Variants in DHRSX observed in about 807,000 individuals in gnomAD.
The protein encoded by DHRSX is dehydrogenase/reductase X-linked.
A neutral mutation model predicts 34.0 loss-of-function variants in DHRSX; 31 were observed. The ratio of observed to expected loss-of-function variants is 0.91; its 90% CI spans 0.69 to 1.23. The LOEUF is 1.23. Ranked by LOEUF, DHRSX falls within the 50% of genes most tolerant of loss-of-function variation. The probability of loss-of-function intolerance (pLI) is 0.00; values close to 1 mark genes in which losing one functional copy is unlikely to be tolerated. For missense variants in DHRSX, 414 were observed against 428.1 expected, an observed-to-expected ratio of 0.97 and a Z score of 0.29; for synonymous variants, 201 against 183.8, an observed-to-expected ratio of 1.09 and a Z score of -0.76.
chrX:2,344,184 T>C (rs1453100280), intron 3 of DHRSX, among the ~76,000 whole-genome samples: 4 of 152,154 alleles, frequency 2.6e-5, no homozygotes, highest in East Asian at 3.9e-4. Flanking sequence ...TGAAAACTGA[T>C]TCAACAAAGG....
intron 2 of DHRSX, among the ~76,000 whole-genome samples, chrX:2,409,628 C>T (rs1200190171): frequency 6.6e-6 from 1 of 152,148 alleles, no homozygotes; most frequent in Non-Finnish European, 1.5e-5. Flanking sequence ...AGGAACACGC[C>T]TTTAGAAGGA....
chrX:2,225,649 C>A (rs1208723979), intron 6 of DHRSX, among the ~76,000 whole-genome samples: 1 of 150,280 alleles, frequency 6.7e-6, no homozygotes, highest in African/African-American at 2.5e-5. Flanking sequence ...CTATGGTATT[C>A]TGTGACAGCA....
intron 1 of DHRSX, among the ~76,000 whole-genome samples, chrX:2,485,355 A>G (rs2044862085): frequency 1.3e-5 from 2 of 151,984 alleles, no homozygotes; most frequent in South Asian, 2.1e-4. Flanking sequence ...AAATTTCGGC[A>G]TTTTAATGAT....
intron 3 of DHRSX, among the ~76,000 whole-genome samples, chrX:2,299,876 C>A (rs1448193899): frequency 6.6e-6 from 1 of 151,506 alleles, no homozygotes; most frequent in African/African-American, 2.4e-5. Context: ...AAGATAACTT[C>A]ATCCACAGAA....
chrX:2,411,541 C>CGAGACT (rs2043628832), intron 2 of DHRSX, among the ~76,000 whole-genome samples: 2 of 145,540 alleles, frequency 1.4e-5, no homozygotes, highest in East Asian at 2.0e-4. Flanking sequence ...GGCGACAGAG[C>CGAGACT]CCAACTCTGT....
rs143111157 is a variant in DHRSX, at chrX:2,266,910, A to G, written c.426T>C (p.Asp142=). ...VMMVPQRKTR[D]GFEEHFGLNY... ...TCAGGCCGAAATGTTCTTCGAATCCATCTCTGGTTTTCCTCTGAGGGACCA... is the reference window on the plus strand; with the variant it reads ...TCAGGCCGAAATGTTCTTCGAATCCGTCTCTGGTTTTCCTCTGAGGGACCA... The change falls in exon 5 of 7, where the codon GAT becomes GAC. Residue 142 remains aspartate (D), a synonymous_variant. Transcript: ENST00000334651. 142 of 1,613,842 alleles carry G rather than the reference A, an allele frequency of 8.8e-5. No individual in the cohort carries two copies. Among genetic ancestry groups the G allele is most frequent in the Middle Eastern group, 1.6e-4 (1 of 6,078 alleles).
At chrX:2,488,517 G>A in intron 1 of DHRSX, 1 of 1,284,908 alleles carries the variant, frequency 7.8e-7, no homozygotes, top group Non-Finnish European at 1.1e-6. Context: ...CACCTTCTAG[G>A]TGTCAAAGAC....
intron 3 of DHRSX, among the ~76,000 whole-genome samples, chrX:2,348,366 C>T (rs1452304080): frequency 2.0e-5 from 3 of 152,150 alleles, no homozygotes; most frequent in Admixed American, 6.5e-5. Context: ...CAGTCGCTTG[C>T]AGCCAGGGTT....
intron 3 of DHRSX, among the ~76,000 whole-genome samples, chrX:2,365,261 T>C (rs1483326609): frequency 1.3e-5 from 2 of 152,190 alleles, no homozygotes; most frequent in Non-Finnish European, 2.9e-5. Flanking sequence ...TGCCTCAGCC[T>C]CCCTGGTAGC....
At chrX:2,312,331 G>A (rs1480793731) in intron 3 of DHRSX, among the ~76,000 whole-genome samples, 5 of 152,038 alleles carry the variant, frequency 3.3e-5, no homozygotes, top group East Asian at 1.9e-4. Context: ...AGGGATGTTC[G>A]CTTCCCTAGA....
intron 3 of DHRSX, among the ~76,000 whole-genome samples, chrX:2,296,859 G>A (rs773179467): frequency 2.3e-5 from 1 of 43,256 alleles, no homozygotes; most frequent in African/African-American, 5.6e-5. Context: ...TAGACCCCAG[G>A]CAGACAGGAA....
At position 2,246,518 on chromosome X, in the gene DHRSX, G is replaced by C. The variant is rs1016535693; in HGVS notation, c.597-3288C>G. Among the ~76,000 whole-genome samples, 6 of 151,896 alleles carry C rather than the reference G, an allele frequency of 4.0e-5. 1 individual carries two copies. The highest frequency in any genetic ancestry group is 1.3e-4 in the Admixed American group (2 of 15,210). ...GGTGCCTGTAGACCCAACTACTTGG[G>C]AGGCTGAGGCAGGAGAATCACTTGA... On this transcript the variant is annotated intron_variant, in intron 5 of 6. Transcript: ENST00000334651.
intron 6 of DHRSX, among the ~76,000 whole-genome samples, chrX:2,234,853 G>A (rs1456651029): frequency 6.6e-6 from 1 of 152,196 alleles, no homozygotes; most frequent in Admixed American, 6.5e-5. Context: ...TGGGACTACA[G>A]GCGTGTGCCA....
chrX:2,354,350 G>A (rs1419177247), intron 3 of DHRSX, among the ~76,000 whole-genome samples: 4 of 152,204 alleles, frequency 2.6e-5, no homozygotes, highest in Admixed American at 1.3e-4. Context: ...CATGGAACAC[G>A]CCACTGCTGG....
At chrX:2,382,531 CCAT>C (rs1230622811) in intron 3 of DHRSX, among the ~76,000 whole-genome samples, 2 of 63,942 alleles carry the variant, frequency 3.1e-5, no homozygotes, top group Non-Finnish European at 8.0e-5. Context: ...ATCATCACTA[CCAT>C]CATCACCATC....
intron 3 of DHRSX, among the ~76,000 whole-genome samples, chrX:2,395,470 C>T (rs905881624): frequency 3.9e-5 from 6 of 152,184 alleles, no homozygotes; most frequent in African/African-American, 1.4e-4. Flanking sequence ...GGCAGACCTC[C>T]CTTTTTCCCA....
chrX:2,373,814 G>C (rs899583992), intron 3 of DHRSX, among the ~76,000 whole-genome samples: 1 of 152,130 alleles, frequency 6.6e-6, no homozygotes, highest in Non-Finnish European at 1.5e-5. Flanking sequence ...CATCCGGCCA[G>C]GAAATAGAGG....
At chrX:2,412,197 G>A (rs1041260383) in intron 2 of DHRSX, among the ~76,000 whole-genome samples, 10 of 152,106 alleles carry the variant, frequency 6.6e-5, no homozygotes, top group Non-Finnish European at 1.0e-4. Flanking sequence ...CTTTGTATTT[G>A]GGGGGGCAGG....
At chrX:2,396,375 C>CTTTTTTTTTTTTT (rs1204243041) in intron 3 of DHRSX, among the ~76,000 whole-genome samples, 19 of 99,220 alleles carry the variant, frequency 1.9e-4, no homozygotes, top group East Asian at 5.9e-4. Context: ...CTTTCTTTTT[C>CTTTTTTTTTTTTT]TTTTTTTTTT....
Sources: allele counts gnomAD v4.1 joint callset (sites outside exome capture counted in the v4.1 genomes callset), GRCh38; gene constraint gnomAD v4.1.1; transcripts MANE v1.5; gene names NCBI Gene and HGNC (gene_info 2026-07-23, HGNC 2026-07-21).